RABGAP1: variants seen among roughly 807,000 people sequenced by gnomAD.
RABGAP1 encodes the protein RAB GTPase activating protein 1.
RABGAP1 carries 23 observed loss-of-function variants against 137.6 expected under a neutral mutation model. The observed-to-expected ratio is 0.17, with a 90% CI of 0.12 to 0.24. The LOEUF is 0.24. Among genes scored for constraint, RABGAP1 ranks in the 10% least tolerant of loss-of-function variants. The probability of loss-of-function intolerance (pLI) is 1.00; values close to 1 mark genes in which losing one functional copy is unlikely to be tolerated. For missense variants in RABGAP1, 906 were observed against 1,275.8 expected (o/e 0.71, Z 4.42); for synonymous variants, 451 against 450.7 (o/e 1.00, Z -0.01).
chr9:122,954,035 C>T (rs1323504124), intron 1 of RABGAP1, among the ~76,000 whole-genome samples: 4 of 152,046 alleles, frequency 2.6e-5, no homozygotes, highest in South Asian at 2.1e-4. Context: ...GAGTGCAGGG[C>T]GTTGGAGGGA....
intron 6 of RABGAP1, among the ~76,000 whole-genome samples, chr9:122,993,800 A>T (rs1588232957): frequency 6.6e-6 from 1 of 152,134 alleles, no homozygotes; most frequent in East Asian, 1.9e-4. Context: ...AGTAGCTGGG[A>T]TTACAGACAT....
At chr9:123,065,535 T>A in intron 14 of RABGAP1, 74 bp downstream of exon 14, 1 of 1,084,422 alleles carries the variant, frequency 9.2e-7, no homozygotes, top group Non-Finnish European at 1.4e-6. Context: ...AAGAAACAAC[T>A]ACAAAGTGTA....
At chr9:123,084,747 G>A (rs992225574) in intron 19 of RABGAP1, among the ~76,000 whole-genome samples, 2 of 152,172 alleles carry the variant, frequency 1.3e-5, no homozygotes, top group African/African-American at 2.4e-5. Context: ...CTGTGTGCTA[G>A]GAACTTTTCT....
chr9:122,981,303 G>A (rs961933821), intron 2 of RABGAP1, among the ~76,000 whole-genome samples: 1 of 152,128 alleles, frequency 6.6e-6, no homozygotes, highest in Non-Finnish European at 1.5e-5. Context: ...TGGGATTATA[G>A]GTTTGAGCCA....
chr9:123,089,308 C>T (rs1003949039), intron 19 of RABGAP1, among the ~76,000 whole-genome samples: 4 of 152,112 alleles, frequency 2.6e-5, no homozygotes, highest in African/African-American at 9.7e-5. Context: ...TGACTTTGGT[C>T]AAGTTACATA....
intron 14 of RABGAP1, among the ~76,000 whole-genome samples, chr9:123,069,452 G>A (rs1368409190): frequency 6.6e-6 from 1 of 152,096 alleles, no homozygotes; most frequent in Admixed American, 6.5e-5. Context: ...AAAATGCAGT[G>A]TGGGGCTGGG....
intron 13 of RABGAP1, among the ~76,000 whole-genome samples, chr9:123,038,306 A>T (rs965847349): frequency 2.6e-5 from 4 of 152,172 alleles, no homozygotes; most frequent in African/African-American, 9.7e-5. Context: ...CAAGCCTTTT[A>T]TAATGGCTTT....
At chr9:122,964,775 G>C (rs1431000681) in intron 2 of RABGAP1, among the ~76,000 whole-genome samples, 2 of 152,118 alleles carry the variant, frequency 1.3e-5, no homozygotes, top group South Asian at 2.1e-4. Flanking sequence ...AGGATCACTT[G>C]AGCCCATGAG....
At chr9:122,965,326 T>C (rs1463397136) in intron 2 of RABGAP1, among the ~76,000 whole-genome samples, 2 of 152,114 alleles carry the variant, frequency 1.3e-5, no homozygotes, top group Non-Finnish European at 1.5e-5. Flanking sequence ...TGGAGGAGTC[T>C]GGTGGGAATA....
rs569643033 is a variant in RABGAP1, at chr9:122,970,211, G to A, written c.150+13002G>A. Among the ~76,000 whole-genome samples, 4 of 152,146 alleles carry A rather than the reference G, an allele frequency of 2.6e-5. 1 individual carries two copies. The South Asian group carries it at 8.3e-4, about 32-fold the overall frequency. ...TTACAGGTATGAGCCACTATACCAG[G>A]TCCTGGAATTTTTCTTTGTTTCTGT... On this transcript the variant is annotated intron_variant, in intron 2 of 25. Coordinates refer to ENST00000373647, the MANE Select transcript of RABGAP1 (RefSeq NM_012197.4).
rs774162866 is a variant in RABGAP1 at position 123,035,333 on chromosome 9, G to A, written c.1794+14874G>A. On this transcript the variant is annotated intron_variant, in intron 13 of 25. Transcript: ENST00000373647. ...AAGCGCTATGCCATGGTCCTGTTTC[G>A]AATCACTAGTGTATTTTACATCCTC... 5.0e-6 allele frequency: 8 copies of A among 1,614,086 alleles called. No homozygotes were observed. The highest frequency in any genetic ancestry group is 1.7e-5 in the Admixed American group (1 of 60,016).
At chr9:123,051,270 G>A (rs1226453625) in intron 13 of RABGAP1, among the ~76,000 whole-genome samples, 1 of 62,738 alleles carries the variant, frequency 1.6e-5, no homozygotes, top group Admixed American at 2.5e-4. Context: ...TTTTTGAGAC[G>A]GAGTTTCACT....
At chr9:123,018,074 G>T (rs1019738988) in intron 12 of RABGAP1, among the ~76,000 whole-genome samples, 4 of 152,028 alleles carry the variant, frequency 2.6e-5, no homozygotes, top group African/African-American at 7.2e-5. Context: ...GCTCACTGCA[G>T]GCTCTGCCCC....
intron 13 of RABGAP1, among the ~76,000 whole-genome samples, chr9:123,058,471 AC>A (rs1313205422): frequency 9.2e-5 from 14 of 152,332 alleles, no homozygotes; most frequent in Non-Finnish European, 1.5e-4. Flanking sequence ...TATTATTGTT[AC>A]AAAAAAGCAA....
chr9:123,024,119 G>A (rs1029000074), intron 13 of RABGAP1, among the ~76,000 whole-genome samples: 1 of 152,038 alleles, frequency 6.6e-6, no homozygotes, highest in Admixed American at 6.5e-5. Flanking sequence ...TGCTTTTAAA[G>A]GTGTTTCTTA....
chr9:123,091,306 T>C (rs1588405873), intron 21 of RABGAP1, among the ~76,000 whole-genome samples: 1 of 152,126 alleles, frequency 6.6e-6, no homozygotes, highest in Non-Finnish European at 1.5e-5. Context: ...TGAAATAGGG[T>C]CCATGAATTT....
chr9:123,095,078 T>C (rs924080487), intron 21 of RABGAP1, among the ~76,000 whole-genome samples: 2 of 151,922 alleles, frequency 1.3e-5, no homozygotes, highest in African/African-American at 4.8e-5. Flanking sequence ...ATGGCAAAAA[T>C]TAGCTGGCTG....
intron 8 of RABGAP1, 81 bp from the exon 9 acceptor site, chr9:122,997,178 G>T: frequency 9.5e-7 from 1 of 1,056,854 alleles, no homozygotes; most frequent in Non-Finnish European, 1.4e-6. Flanking sequence ...GCAGCTTCTG[G>T]TTTTTAAAGG....
Position 123,089,782 on chromosome 9 carries a change from T to A in RABGAP1, c.2449T>A (p.Tyr817Asn). 1 of 1,613,386 alleles carries A rather than the reference T, an allele frequency of 6.2e-7. No individual in the cohort carries two copies. The highest frequency in any genetic ancestry group is 8.5e-7 in the Non-Finnish European group (1 of 1,179,592). Residue 817 changes from tyrosine to asparagine, a missense_variant, in exon 20 of 26, where the codon TAC (tyrosine) becomes AAC (asparagine). By Grantham distance (143) the Tyr-to-Asn change is moderately radical (BLOSUM62 -2). Around this residue, in one of 9 missense-constraint regions of RABGAP1, gnomAD observed 77 missense variants for 105.6 expected, o/e 0.73. Transcript: ENST00000373647. Reference sequence around the variant, plus strand: ...GATTAGTCAGAAGAAGTTGAAAAAATACGAGAAAGAATATCACACCATGAG... The same window carrying A: ...GATTAGTCAGAAGAAGTTGAAAAAAAACGAGAAAGAATATCACACCATGAG... The part of the protein sequence containing the change: ...MKISQKKLKK[Y>N]EKEYHTMREQ...
Sources: allele counts gnomAD v4.1 joint callset (sites outside exome capture counted in the v4.1 genomes callset), GRCh38; gene constraint gnomAD v4.1.1; regional missense constraint gnomAD v4.1.1; transcripts MANE v1.5; gene names NCBI Gene and HGNC (gene_info 2026-07-23, HGNC 2026-07-21).